Variants in STX8 observed in about 807,000 individuals in gnomAD.
The protein encoded by STX8 is syntaxin-8.
Under a neutral mutation model 37.5 loss-of-function variants are expected in STX8, and 23 were observed. The ratio of observed to expected loss-of-function variants is 0.61; its 90% CI spans 0.44 to 0.87. The LOEUF is 0.87. STX8 is among the 40% of genes least tolerant of loss of function. The probability of loss-of-function intolerance (pLI) is 0.00; values close to 1 mark genes in which losing one functional copy is unlikely to be tolerated. For synonymous variants in STX8, 115 were observed against 99.1 expected (o/e 1.16, Z -0.95); for missense variants, 313 against 284.7 (o/e 1.10, Z -0.71).
At chr17:9,543,882 A>G (rs1386548260) in intron 4 of STX8, among the ~76,000 whole-genome samples, 2 of 152,160 alleles carry the variant, frequency 1.3e-5, no homozygotes, top group African/African-American at 4.8e-5. Context: ...CCTGTATTTC[A>G]CAGTTTCTTC....
chr17:9,288,280 A>C (rs1254495165), intron 7 of STX8, among the ~76,000 whole-genome samples: 1 of 152,100 alleles, frequency 6.6e-6, no homozygotes, highest in Non-Finnish European at 1.5e-5. Flanking sequence ...TATCATAGAG[A>C]TAAAATATGT....
intron 6 of STX8, among the ~76,000 whole-genome samples, chr17:9,381,413 G>A (rs1007295244): frequency 2.6e-5 from 4 of 152,078 alleles, no homozygotes; most frequent in African/African-American, 4.8e-5. Context: ...TTCTGAAGGC[G>A]ACATGGGTGA....
chr17:9,384,220 C>T (rs1432998162), intron 6 of STX8, among the ~76,000 whole-genome samples: 1 of 150,756 alleles, frequency 6.6e-6, no homozygotes, highest in South Asian at 2.1e-4. Flanking sequence ...TGACAGATAT[C>T]GTACAGAATT....
chr17:9,387,975 T>C (rs112464777), intron 6 of STX8, among the ~76,000 whole-genome samples: 15 of 152,140 alleles, frequency 9.9e-5, no homozygotes, highest in African/African-American at 3.6e-4. Context: ...TCAACACTTG[T>C]AGGGATTAAT....
At chr17:9,276,625 TTTG>T (rs1907686783) in intron 7 of STX8, among the ~76,000 whole-genome samples, 1 of 148,994 alleles carries the variant, frequency 6.7e-6, no homozygotes, top group Admixed American at 6.7e-5. Flanking sequence ...TGTTTATTTG[TTTG>T]TTTTTTTTTT....
At chr17:9,289,671 T>C (rs755093127) in intron 7 of STX8, among the ~76,000 whole-genome samples, 6 of 150,666 alleles carry the variant, frequency 4.0e-5, no homozygotes, top group Non-Finnish European at 7.4e-5. Context: ...TCCCAGCTAC[T>C]CGGGAGGCTG....
intron 7 of STX8, among the ~76,000 whole-genome samples, chr17:9,355,828 CT>C (rs1201870233): frequency 6.6e-6 from 1 of 151,982 alleles, no homozygotes; most frequent in Admixed American, 6.6e-5. Flanking sequence ...TTTTTAAAAA[CT>C]TTTGTAGAGA....
intron 6 of STX8, among the ~76,000 whole-genome samples, chr17:9,479,488 C>T (rs1277005171): frequency 1.3e-5 from 2 of 150,934 alleles, no homozygotes; most frequent in African/African-American, 2.4e-5. Flanking sequence ...GAGCTGAGAT[C>T]GTGCCACTGC....
At chr17:9,526,861 C>G (rs1905592668) in intron 4 of STX8, among the ~76,000 whole-genome samples, 1 of 150,796 alleles carries the variant, frequency 6.6e-6, no homozygotes, top group Non-Finnish European at 1.5e-5. Context: ...AAAACTCCAT[C>G]TCAAAAAAAC....
At position 9,549,931 on chromosome 17, in the gene STX8, T is replaced by C. The variant is rs140049047; in HGVS notation, c.213-4649A>G. ...AGTGATGCTAAGGACAAGTAGAAAG[T>C]AGGACACACAGGCCAAGCGCGGTGG... On this transcript the variant is annotated intron_variant, in intron 3 of 7. Coordinates refer to ENST00000306357, the MANE Select transcript of STX8 (RefSeq NM_004853.3). Among the ~76,000 whole-genome samples, 568 of 152,052 alleles carry C rather than the reference T, an allele frequency of 3.7e-3. 5 individuals are homozygous for C. Among genetic ancestry groups the C allele is most frequent in the African/African-American group, 0.012 (517 of 41,498 alleles).
intron 5 of STX8, among the ~76,000 whole-genome samples, chr17:9,497,888 G>T (rs1290325887): frequency 6.6e-6 from 1 of 152,110 alleles, no homozygotes; most frequent in Non-Finnish European, 1.5e-5. Flanking sequence ...CAGAGGGAGG[G>T]CCCTCTAGGT....
intron 6 of STX8, among the ~76,000 whole-genome samples, chr17:9,387,689 G>C (rs1303458978): frequency 6.6e-6 from 1 of 152,180 alleles, no homozygotes; most frequent in Non-Finnish European, 1.5e-5. Context: ...TTGACTCTGA[G>C]CTTGGTACAC....
chr17:9,556,774 T>TATATAC (rs1906989522), intron 3 of STX8: 1 of 86,704 alleles, frequency 1.2e-5, no homozygotes, highest in African/African-American at 4.6e-5. Flanking sequence ...TATATATATA[T>TATATAC]ATATATATAT....
Position 9,491,908 on chromosome 17 carries a change from G to C in STX8, c.462C>G (p.Gly154=). ...QQKIIQEQDA[G]LDALSSIISR... ...TTATGATAGAGGAAAGGGCATCAAG[G>C]CCTGCGTCCTGTTCTGAAAGAAAAA... The change falls in exon 6 of 8, where the codon GGC becomes GGG. Residue 154 remains glycine, a synonymous_variant. Coordinates refer to ENST00000306357, the MANE Select transcript of STX8 (RefSeq NM_004853.3). 1 of 1,612,020 alleles carries C rather than the reference G, an allele frequency of 6.2e-7. No homozygotes were observed. Among genetic ancestry groups the C allele is most frequent in the Non-Finnish European group, 8.5e-7 (1 of 1,179,332 alleles).
Position 9,354,571 on chromosome 17 carries a change from C to T in STX8, c.643+23981G>A, listed in dbSNP as rs954533974. Among the ~76,000 whole-genome samples the T allele has an allele frequency of 3.3e-5, 5 of 151,984 alleles. No individual in the cohort carries two copies. In the East Asian group the frequency reaches 5.8e-4, roughly 18 times the overall value. The stretch of plus-strand genomic sequence containing the variant: ...TCCTAATCTCATGATCCGCCTGCCT[C>T]GGCCTCCCAAAGTGCTGGGATTACA... On this transcript the variant is annotated intron_variant, in intron 7 of 7. Transcript: ENST00000306357.
chr17:9,426,257 T>C (rs1287835638), intron 6 of STX8, among the ~76,000 whole-genome samples: 1 of 152,168 alleles, frequency 6.6e-6, no homozygotes, highest in Non-Finnish European at 1.5e-5. Context: ...CCAGGCACGA[T>C]GGCTCACGCC....
intron 4 of STX8, among the ~76,000 whole-genome samples, chr17:9,519,737 C>T (rs886801465): frequency 2.3e-5 from 2 of 85,242 alleles, no homozygotes; most frequent in Admixed American, 1.3e-4. Context: ...AGACTGCTCC[C>T]CACCGCTCAG....
At chr17:9,356,896 CACACAAGGA>C (rs1202005126) in intron 7 of STX8, among the ~76,000 whole-genome samples, 79 of 150,698 alleles carry the variant, frequency 5.2e-4, no homozygotes, top group Admixed American at 6.6e-4. Context: ...GCAGCTGCTT[CACACAAGGA>C]CTAATTTCTG....
chr17:9,279,207 G>A (rs922069520), intron 7 of STX8, among the ~76,000 whole-genome samples: 15 of 151,898 alleles, frequency 9.9e-5, no homozygotes, highest in South Asian at 2.1e-4. Flanking sequence ...ACAGGCACCC[G>A]CCACCACGCC....
Sources: gnomAD v4.1 joint callset for allele counts (sites outside exome capture counted in the v4.1 genomes callset) on GRCh38, gnomAD v4.1.1 for gene constraint, MANE v1.5 for transcripts, NCBI Gene and HGNC (gene_info 2026-07-23, HGNC 2026-07-21) for gene names.